Variants in TNS1 observed in about 807,000 individuals in gnomAD.
TNS1 encodes the protein tensin 1.
Under a neutral mutation model 168.6 loss-of-function variants are expected in TNS1, and 62 were observed. That is an observed-to-expected ratio of 0.37 (90% CI 0.30 to 0.45). The LOEUF (loss-of-function observed/expected upper bound fraction) is 0.45, where lower values mean the gene tolerates loss of function less well. Ranked by LOEUF, TNS1 falls within the 20% of genes least tolerant of loss-of-function variation. TNS1 has a pLI of 1.00. For missense variants in TNS1, 2,240 were observed against 2,339.4 expected (o/e 0.96, Z 0.88); for synonymous variants, 934 against 933.2 (o/e 1.00, Z -0.02).
At chr2:217,866,873 T>C (rs1281561620) in intron 18 of TNS1, among the ~76,000 whole-genome samples, 2 of 152,166 alleles carry the variant, frequency 1.3e-5, no homozygotes, top group Non-Finnish European at 2.9e-5. Flanking sequence ...GCTTCCCACT[T>C]TAACTCAGTT....
intron 3 of TNS1, among the ~76,000 whole-genome samples, chr2:217,932,279 G>T (rs1312903528): frequency 6.6e-6 from 1 of 152,204 alleles, no homozygotes; most frequent in Non-Finnish European, 1.5e-5. Context: ...TGGGAGTCAG[G>T]CATGGGCTCA....
intron 16 of TNS1, among the ~76,000 whole-genome samples, chr2:217,882,751 T>C (rs1950802099): frequency 6.6e-6 from 1 of 152,138 alleles, no homozygotes; most frequent in Non-Finnish European, 1.5e-5. Context: ...TTTATTTTAT[T>C]TTATTTATTT....
chr2:217,939,028 C>A (rs77613067), intron 3 of TNS1, among the ~76,000 whole-genome samples: 1 of 152,222 alleles, frequency 6.6e-6, no homozygotes, highest in Non-Finnish European at 1.5e-5. Context: ...AGAGAGAACT[C>A]CATCACCACC....
In TNS1 at chr2:217,880,093, G is replaced by A. The variant is rs1950550243; in HGVS notation, c.1429+805C>T. On this transcript the variant is annotated intron_variant, in intron 18 of 32. Transcript: ENST00000682258. This position sits in a 1 kb window ranked among gnomAD's most constrained non-coding sequence, Gnocchi z 4.2. ...TCCTACGACCAACTCAAGAAAAGAA[G>A]CTTGTGGCCAAACCCCAGGCAGGGC... Among the ~76,000 whole-genome samples, 1 of 152,200 alleles carries A rather than the reference G, an allele frequency of 6.6e-6. No individual in the cohort carries two copies. The highest frequency in any genetic ancestry group is 2.4e-5 in the African/African-American group (1 of 41,466).
Position 217,885,094 on chromosome 2 carries a change from C to T in TNS1, c.1187G>A (p.Cys396Tyr). ...DVIFRVQFHTCAIHDLGVVFG... is the reference protein window; with the variant it reads ...DVIFRVQFHTYAIHDLGVVFG... ...GACAACCCCCAGGTCATGGATGGCA[C>T]AGGTGTGGAACTGCACACGGAAGAT... is the stretch of plus-strand genomic sequence containing the variant. Residue 396 changes from cysteine (C) to tyrosine (Y), a missense_variant, in exon 16 of 33, where the codon TGT becomes TAT. By Grantham distance (194) the Cys-to-Tyr change is radical. This residue lies in a region of TNS1 where 2,131 missense variants were observed against 2,171.2 expected (regional missense o/e 0.98). Coordinates refer to ENST00000682258, the MANE Select transcript of TNS1 (RefSeq NM_001387777.1). 3.1e-6 allele frequency: 5 copies of T among 1,614,262 alleles called. No individual in the cohort carries two copies. Among genetic ancestry groups the T allele is most frequent in the Non-Finnish European group, 4.2e-6 (5 of 1,180,052 alleles).
At position 217,813,822 on chromosome 2, in the gene TNS1, T is replaced by C. The variant is rs1196714773; in HGVS notation, c.4730-6A>G. On this transcript the variant is annotated splice_polypyrimidine_tract_variant and splice_region_variant and intron_variant, in intron 25 of 32. Transcript: ENST00000682258. The surrounding 1 kb of genome is among the most constrained non-coding windows in gnomAD (Gnocchi z 4.0). Reference sequence around the variant, plus strand: ...GTCCTTGAGGAGCGCGATGGCTGCATGGGGAAGGGACAAGGAGAGAGGAGG... The same window carrying C: ...GTCCTTGAGGAGCGCGATGGCTGCACGGGGAAGGGACAAGGAGAGAGGAGG... 6.2e-7 allele frequency: 1 copy of C among 1,605,800 alleles called. No homozygotes were observed. The highest frequency in any genetic ancestry group is 1.7e-5 in the Admixed American group (1 of 58,626).
chr2:217,981,032 G>A (rs1958035588), intron 2 of TNS1, among the ~76,000 whole-genome samples: 1 of 152,166 alleles, frequency 6.6e-6, no homozygotes, highest in South Asian at 2.1e-4. Flanking sequence ...AAGTTGCCCT[G>A]GGTAACTTCT....
chr2:217,872,225 C>T (rs1272163040), intron 18 of TNS1, among the ~76,000 whole-genome samples: 1 of 152,222 alleles, frequency 6.6e-6, no homozygotes, highest in Non-Finnish European at 1.5e-5. Flanking sequence ...GACCACCATG[C>T]AGGCCTTGCA....
chr2:217,954,198 G>A (rs1050936075), intron 3 of TNS1, among the ~76,000 whole-genome samples: 2 of 152,192 alleles, frequency 1.3e-5, no homozygotes, highest in African/African-American at 4.8e-5. Flanking sequence ...AGGAGCCAGG[G>A]GCTGGGCTCC....
At chr2:218,001,957 G>T (rs1011641004) in intron 1 of TNS1, among the ~76,000 whole-genome samples, 1 of 152,054 alleles carries the variant, frequency 6.6e-6, no homozygotes. Flanking sequence ...AGCCAGGGAC[G>T]ACTTCCTCAC....
Position 217,817,893 on chromosome 2 carries a change from G to T in TNS1, c.4439C>A (p.Ala1480Asp). The change falls in exon 24 of 33, where the codon GCC becomes GAC. Residue 1480 changes from alanine (A) to aspartate (D), a missense_variant. Physicochemically the swap from Ala to Asp is moderately radical, Grantham distance 126. Coordinates refer to ENST00000682258, the MANE Select transcript of TNS1 (RefSeq NM_001387777.1). ...PATSPSPDSAAFRQGSPTPAL... is the reference protein window; with the variant it reads ...PATSPSPDSADFRQGSPTPAL... ...TGGTGTTGGGCTCCCTTGCCGGAAG[G>T]CTGCGGAGTCTGGTGACGGGGAGGT... The T allele has an allele frequency of 2.5e-6, 4 of 1,614,054 alleles. No homozygotes were observed. Among genetic ancestry groups the T allele is most frequent in the Non-Finnish European group, 3.4e-6 (4 of 1,179,926 alleles).
rs1489898470 is a variant in TNS1, at chr2:218,032,913, C to T, written c.156+907G>A. 1.3e-5 allele frequency among the ~76,000 whole-genome samples: 2 copies of T among 152,090 alleles called. No homozygotes were observed. The highest frequency in any genetic ancestry group is 2.4e-5 in the African/African-American group (1 of 41,400). ...CCCTCTCCCTGCCACTGTCACACACCGGCACACACACCCTCCCCTCTTTCT... is the reference window on the plus strand; with the variant it reads ...CCCTCTCCCTGCCACTGTCACACACTGGCACACACACCCTCCCCTCTTTCT... On this transcript the variant is annotated intron_variant, in intron 1 of 1. Coordinates refer to the TNS1 transcript ENST00000649572. The surrounding 1 kb of genome is among the most constrained non-coding windows in gnomAD (Gnocchi z 4.0).
At chr2:217,932,832 C>A (rs1466039035) in intron 3 of TNS1, among the ~76,000 whole-genome samples, 2 of 152,190 alleles carry the variant, frequency 1.3e-5, no homozygotes, top group Non-Finnish European at 2.9e-5. Context: ...TGAAAATTCA[C>A]TCATGTGGAA....
intron 4 of TNS1, among the ~76,000 whole-genome samples, chr2:217,914,313 A>G (rs1954759447): frequency 6.6e-6 from 1 of 152,090 alleles, no homozygotes; most frequent in Non-Finnish European, 1.5e-5. Flanking sequence ...CAAAGTGGGG[A>G]TTACAGGGGA....
intron 1 of TNS1, 45 bp downstream of exon 1, chr2:218,002,795 G>A (rs939468944): frequency 4.4e-6 from 2 of 456,454 alleles, no homozygotes; most frequent in African/African-American, 4.0e-5. Flanking sequence ...GGGGGGCGGG[G>A]GGTTTGAGGA....
intron 3 of TNS1, among the ~76,000 whole-genome samples, chr2:217,968,290 T>C (rs1358377565): frequency 1.3e-5 from 2 of 152,178 alleles, no homozygotes; most frequent in African/African-American, 4.8e-5. Context: ...AAGTTTCCAG[T>C]CAGGACAATT....
upstream of TNS1, among the ~76,000 whole-genome samples, chr2:218,003,739 G>A (rs1247990826): frequency 2.0e-5 from 3 of 151,184 alleles, no homozygotes; most frequent in African/African-American, 7.3e-5. Flanking sequence ...TTTCTTGACT[G>A]TACCCGGGGC....
At chr2:217,866,754 C>T (rs1473036401) in intron 18 of TNS1, among the ~76,000 whole-genome samples, 1 of 152,188 alleles carries the variant, frequency 6.6e-6, no homozygotes, top group Non-Finnish European at 1.5e-5. Flanking sequence ...CTGGCCAGTT[C>T]AGCCACTGTG....
At position 217,813,165 on chromosome 2, in the gene TNS1, G is replaced by A. The variant is rs757924115; in HGVS notation, c.4954+50C>T. 1.4e-6 allele frequency: 2 copies of A among 1,432,238 alleles called. No homozygotes were observed. Among genetic ancestry groups the A allele is most frequent in the South Asian group, 2.4e-5 (2 of 82,624 alleles). The allele number at this position is 1,432,238 out of a possible 1,614,324, so 88.7% of individuals were successfully genotyped here. On this transcript the variant is annotated intron_variant, in intron 27 of 32. Coordinates refer to ENST00000682258, the MANE Select transcript of TNS1 (RefSeq NM_001387777.1). This position sits in a 1 kb window ranked among gnomAD's most constrained non-coding sequence, Gnocchi z 4.0. Reference sequence around the variant, plus strand: ...AGACCCCTGGAGGAACCCAGGACAGGACCAAGACTCAGGCCAGACTGTAGA... The same window carrying A: ...AGACCCCTGGAGGAACCCAGGACAGAACCAAGACTCAGGCCAGACTGTAGA...
Sources: allele counts gnomAD v4.1 joint callset (sites outside exome capture counted in the v4.1 genomes callset), GRCh38; gene constraint gnomAD v4.1.1; regional missense constraint gnomAD v4.1.1; non-coding constraint Gnocchi (gnomAD v3.1); transcripts MANE v1.5; gene names NCBI Gene and HGNC (gene_info 2026-07-23, HGNC 2026-07-21).